The following MSI2 variants were observed in gnomAD, a reference collection of about 807,000 sequenced individuals.
The protein encoded by MSI2 is musashi RNA binding protein 2, also known as RNA-binding protein Musashi homolog 2.
A neutral mutation model predicts 45.6 loss-of-function variants in MSI2; 17 were observed. The observed-to-expected ratio is 0.37, with a 90% CI of 0.26 to 0.56. MSI2 has a LOEUF of 0.56. MSI2 is among the 20% of genes least tolerant of loss of function. MSI2 has a pLI of 0.77. For synonymous variants in MSI2, 156 were observed against 158.2 expected, an observed-to-expected ratio of 0.99 and a Z score of 0.11; for missense variants, 293 against 444.2, an observed-to-expected ratio of 0.66 and a Z score of 3.06.
chr17:57,602,240 A>G (rs1038523578), intron 8 of MSI2, among the ~76,000 whole-genome samples: 2 of 151,736 alleles, frequency 1.3e-5, no homozygotes, highest in African/African-American at 4.8e-5. Context: ...CTCATCAGCT[A>G]TCTTTAGTGT....
At chr17:57,538,874 A>G (rs975254033) in intron 7 of MSI2, among the ~76,000 whole-genome samples, 1 of 152,216 alleles carries the variant, frequency 6.6e-6, no homozygotes, top group African/African-American at 2.4e-5. Flanking sequence ...CTGGGACTTA[A>G]TAGCTGTGTG....
intron 10 of MSI2, among the ~76,000 whole-genome samples, chr17:57,647,175 T>C (rs1471296558): frequency 6.8e-6 from 1 of 146,650 alleles, no homozygotes; most frequent in Non-Finnish European, 1.5e-5. Context: ...ACACCTGTAA[T>C]CCCAGCATTT....
intron 5 of MSI2, among the ~76,000 whole-genome samples, chr17:57,312,844 G>A (rs993333981): frequency 6.6e-6 from 1 of 152,076 alleles, no homozygotes; most frequent in Non-Finnish European, 1.5e-5. Flanking sequence ...CTTTGCAAAG[G>A]TCGACATTGG....
chr17:57,598,475 A>C (rs1337694053), intron 8 of MSI2, among the ~76,000 whole-genome samples: 2 of 152,166 alleles, frequency 1.3e-5, no homozygotes, highest in African/African-American at 4.8e-5. Flanking sequence ...TTGCCATCAT[A>C]TGCATCTGAA....
chr17:57,528,100 C>A (rs922948563), intron 6 of MSI2, among the ~76,000 whole-genome samples: 1 of 149,284 alleles, frequency 6.7e-6, no homozygotes, highest in African/African-American at 2.5e-5. Context: ...ACAGTTTTAC[C>A]CCCCCTACAG....
In MSI2 at chr17:57,596,694, C is replaced by G. The variant is rs1905273818; in HGVS notation, c.455-174C>G. Among the ~76,000 whole-genome samples, 1 of 152,216 alleles carries G rather than the reference C, an allele frequency of 6.6e-6. No individual in the cohort carries two copies. The highest frequency in any genetic ancestry group is 2.4e-5 in the African/African-American group (1 of 41,452). On this transcript the variant is annotated intron_variant, in intron 7 of 13. Transcript: ENST00000284073. The surrounding 1 kb of genome is among the most constrained non-coding windows in gnomAD (Gnocchi z 4.6). ...TTTTCCTCGCTGTCGGAAGGGTGCT[C>G]AGTACAAATTAGAAATCATTGCCTC... is the stretch of plus-strand genomic sequence containing the variant.
intron 4 of MSI2, among the ~76,000 whole-genome samples, chr17:57,261,247 G>C (rs1316932375): frequency 6.6e-6 from 1 of 152,108 alleles, no homozygotes; most frequent in Non-Finnish European, 1.5e-5. Context: ...CATGCGTTTT[G>C]CAAGTGTGTG....
Position 57,627,387 on chromosome 17 carries a change from T to A in MSI2, c.727+84T>A. On this transcript the variant is annotated intron_variant, in intron 10 of 13. Coordinates refer to ENST00000284073, the MANE Select transcript of MSI2 (RefSeq NM_138962.4). The surrounding 1 kb of genome is among the most constrained non-coding windows in gnomAD (Gnocchi z 4.6). The stretch of plus-strand genomic sequence containing the variant: ...GAGGTGAGAGGACCCCTAAAGAGAA[T>A]GCATTTCTTACATGCATCCACTTGA... 2 of 1,210,508 alleles carry A rather than the reference T, an allele frequency of 1.7e-6. No individual in the cohort carries two copies. The highest frequency in any genetic ancestry group is 2.5e-6 in the Non-Finnish European group (2 of 815,144). 75.0% of individuals were successfully genotyped at this position (1,210,508 alleles called of 1,614,324 possible). A position where few individuals can be genotyped will look rare whatever the true frequency, so the allele number is the denominator to read the frequency against.
At chr17:57,318,599 C>T (rs1913062790) in intron 5 of MSI2, among the ~76,000 whole-genome samples, 1 of 149,276 alleles carries the variant, frequency 6.7e-6, no homozygotes, top group Admixed American at 6.7e-5. Context: ...GCAGAGGGTG[C>T]TGGGACCTTC....
rs149904177 is a variant in MSI2 at position 57,479,395 on chromosome 17, C to T, written c.406-50281C>T. Among the ~76,000 whole-genome samples, 929 of 152,236 alleles carry T rather than the reference C, an allele frequency of 6.1e-3. 7 individuals are homozygous for T. The highest frequency in any genetic ancestry group is 0.021 in the African/African-American group (886 of 41,538). ...TCATATTCCTGGACAATAAACCTGG[C>T]CTTTGGGTCTTAACTGTCTTCTCTG... On this transcript the variant is annotated intron_variant, in intron 6 of 13. Coordinates refer to ENST00000284073, the MANE Select transcript of MSI2 (RefSeq NM_138962.4).
intron 5 of MSI2, among the ~76,000 whole-genome samples, chr17:57,311,573 A>T (rs1235628740): frequency 6.6e-6 from 1 of 152,138 alleles, no homozygotes; most frequent in Non-Finnish European, 1.5e-5. Context: ...ATATTTTTAA[A>T]CAGGCCCTGT....
intron 6 of MSI2, among the ~76,000 whole-genome samples, chr17:57,511,141 G>A (rs2086345090): frequency 6.6e-6 from 1 of 152,172 alleles, no homozygotes; most frequent in Non-Finnish European, 1.5e-5. Context: ...ACCAGAGGGG[G>A]TCAGCCAGCA....
At chr17:57,399,590 G>A (rs1040549684) in intron 5 of MSI2, among the ~76,000 whole-genome samples, 2 of 151,704 alleles carry the variant, frequency 1.3e-5, no homozygotes, top group Non-Finnish European at 2.9e-5. Flanking sequence ...AGAGCTCCCT[G>A]GAGTCTACGA....
At chr17:57,522,760 A>T (rs1277278093) in intron 6 of MSI2, 1 of 151,026 alleles carries the variant, frequency 6.6e-6, no homozygotes, top group African/African-American at 2.4e-5. Context: ...TAGAACCTGG[A>T]CTCCCTCCAT....
intron 5 of MSI2, among the ~76,000 whole-genome samples, chr17:57,375,244 A>G (rs1057417834): frequency 6.6e-6 from 1 of 152,164 alleles, no homozygotes; most frequent in African/African-American, 2.4e-5. Flanking sequence ...GTGATCAGCA[A>G]ATTTAAGCCT....
At chr17:57,418,666 C>T (rs1189315069) in intron 6 of MSI2, among the ~76,000 whole-genome samples, 1 of 152,204 alleles carries the variant, frequency 6.6e-6, no homozygotes, top group African/African-American at 2.4e-5. Context: ...GCTCGTCATG[C>T]AACACTTATC....
intron 6 of MSI2, among the ~76,000 whole-genome samples, chr17:57,445,177 G>A (rs73327275): frequency 0.013 from 1,984 of 152,202 alleles, 49 homozygotes; most frequent in African/African-American, 0.045. Flanking sequence ...AAATACCCCC[G>A]AGCCAGGAAT....
Position 57,682,049 on chromosome 17 carries a change from TCTC to T in MSI2, c.*2536_*2538del, listed in dbSNP as rs1913637861. ...CTGGTACTAGTGTAGCGACTTTTTT[TCTC>T]CTCTTTCTTCTAGTACATATTGATA... On this transcript the variant is annotated 3_prime_UTR_variant, in exon 14 of 14. Transcript: ENST00000284073. 4.9e-6 allele frequency: 1 copy of T among 206,162 alleles called. No homozygotes were observed. The highest frequency in any genetic ancestry group is 9.9e-6 in the Non-Finnish European group (1 of 101,038). 12.8% of individuals were successfully genotyped at this position (206,162 alleles called of 1,614,324 possible). A position where few individuals can be genotyped will look rare whatever the true frequency, so the allele number is the denominator to read the frequency against.
intron 6 of MSI2, among the ~76,000 whole-genome samples, chr17:57,494,169 A>G (rs145707592): frequency 6.6e-6 from 1 of 152,356 alleles, no homozygotes; most frequent in East Asian, 1.9e-4. Flanking sequence ...CAACAGAGTC[A>G]TAATTCTTCT....
Sources: allele counts gnomAD v4.1 joint callset (sites outside exome capture counted in the v4.1 genomes callset), GRCh38; gene constraint gnomAD v4.1.1; non-coding constraint Gnocchi (gnomAD v3.1); transcripts MANE v1.5; gene names NCBI Gene and HGNC (gene_info 2026-07-23, HGNC 2026-07-21).